The following TNKS1BP1 variants were observed in gnomAD, a reference collection of about 807,000 sequenced individuals.
TNKS1BP1 encodes the protein 182 kDa tankyrase-1-binding protein.
TNKS1BP1 carries 48 observed loss-of-function variants against 141.1 expected under a neutral mutation model. The ratio of observed to expected loss-of-function variants is 0.34; its 90% CI spans 0.27 to 0.43. The LOEUF (loss-of-function observed/expected upper bound fraction) is 0.43. Among genes scored for constraint, TNKS1BP1 ranks in the 20% least tolerant of loss-of-function variants. TNKS1BP1 has a pLI of 1.00. For synonymous variants in TNKS1BP1, 875 were observed against 898.2 expected, an observed-to-expected ratio of 0.97 and a Z score of 0.46; for missense variants, 2,149 against 2,226.0, an observed-to-expected ratio of 0.97 and a Z score of 0.70.
At position 57,306,285 on chromosome 11, in the gene TNKS1BP1, C is replaced by CAAAAAA. The variant is rs1554961714; in HGVS notation, c.4316+2104_4316+2109dup. Among the ~76,000 whole-genome samples, 635 of 122,422 alleles carry CAAAAAA rather than the reference C, an allele frequency of 5.2e-3. 5 individuals carry two copies. The highest frequency in any genetic ancestry group is 0.016 in the African/African-American group (579 of 37,236). 80.3% of individuals were successfully genotyped at this position (122,422 alleles called of 152,430 possible). A position where few individuals can be genotyped will look rare whatever the true frequency, so the allele number is the denominator to read the frequency against. Reference sequence around the variant, plus strand: ...TGGGCGATAGACCAAGACTCCGTTTCAAAAAAAAAAAGAGAAAGTGCCCAT... The same window carrying CAAAAAA: ...TGGGCGATAGACCAAGACTCCGTTTCAAAAAAAAAAAAAAAAAGAGAAAGTGCCCAT... On this transcript the variant is annotated intron_variant, in intron 6 of 11. Coordinates refer to ENST00000358252, the MANE Select transcript of TNKS1BP1 (RefSeq NM_033396.3).
intron 5 of TNKS1BP1, chr11:57,311,245 G>C: frequency 1.0e-6 from 1 of 985,742 alleles, no homozygotes; most frequent in Non-Finnish European, 1.2e-6. Context: ...CACCCTTGTG[G>C]GCGGGAGAGC....
In TNKS1BP1 at chr11:57,309,938, C is replaced by T; in HGVS notation, c.2773G>A (p.Glu925Lys). 1 of 1,614,244 alleles carries T rather than the reference C, an allele frequency of 6.2e-7. No homozygotes were observed. The change falls in exon 6 of 12, where the codon GAG becomes AAG. Residue 925 changes from glutamate to lysine, a missense_variant. Coordinates refer to ENST00000358252, the MANE Select transcript of TNKS1BP1 (RefSeq NM_033396.3). The surrounding 1 kb of genome is among the most constrained non-coding windows in gnomAD (Gnocchi z 4.3). ...CTCTTCTGAAACTCCCAGTCCTGCTCATCGGCATCCTGGCTGCTGTACCTA... is the reference window on the plus strand; with the variant it reads ...CTCTTCTGAAACTCCCAGTCCTGCTTATCGGCATCCTGGCTGCTGTACCTA... ...HGRYSSQDAD[E>K]QDWEFQKRDV... is the part of the protein sequence containing the mutation.
At position 57,313,287 on chromosome 11, in the gene TNKS1BP1, C is replaced by T; in HGVS notation, c.1401G>A (p.Glu467=). Residue 467 remains glutamate (E), a synonymous_variant, in exon 5 of 12, where the codon GAG becomes GAA. Coordinates refer to ENST00000358252, the MANE Select transcript of TNKS1BP1 (RefSeq NM_033396.3). ...QLALDRPFGA[E]SNWSLSQSFE... Reference sequence around the variant, plus strand: ...AGGACTGTGATAAGCTCCAGTTGGACTCTGCCCCAAAGGGACGATCCAGGG... The same window carrying T: ...AGGACTGTGATAAGCTCCAGTTGGATTCTGCCCCAAAGGGACGATCCAGGG... 6.2e-7 allele frequency: 1 copy of T among 1,613,022 alleles called. No individual in the cohort carries two copies. The highest frequency in any genetic ancestry group is 2.2e-5 in the East Asian group (1 of 44,874).
intron 1 of TNKS1BP1, 192 bp from the exon 2 acceptor site, chr11:57,322,142 C>T (rs1855898673): frequency 1.0e-5 from 11 of 1,063,246 alleles, no homozygotes; most frequent in Non-Finnish European, 1.4e-5. Flanking sequence ...CAAAGATCCT[C>T]CCCAACTCTT....
intron 6 of TNKS1BP1, among the ~76,000 whole-genome samples, chr11:57,304,797 G>A (rs1027712862): frequency 2.0e-5 from 3 of 151,310 alleles, no homozygotes; most frequent in Admixed American, 6.6e-5. Flanking sequence ...GCTTGAACCC[G>A]GGTGGTGGAG....
At chr11:57,317,070 T>C (rs1406565889) in intron 4 of TNKS1BP1, among the ~76,000 whole-genome samples, 1 of 152,188 alleles carries the variant, frequency 6.6e-6, no homozygotes, top group East Asian at 1.9e-4. Context: ...TCTCCAGACA[T>C]GCACACAGCT....
chr11:57,314,027 G>A (rs1855760946), intron 4 of TNKS1BP1, 138 bp from the exon 5 acceptor site: 3 of 1,032,050 alleles, frequency 2.9e-6, no homozygotes, highest in Non-Finnish European at 2.6e-6. Flanking sequence ...GGGTCCTCTT[G>A]GGATAGCTGG....
At position 57,313,868 on chromosome 11, in the gene TNKS1BP1, A is replaced by G; in HGVS notation, c.820T>C (p.Ser274Pro). 1 of 1,507,352 alleles carries G rather than the reference A, an allele frequency of 6.6e-7. No individual in the cohort carries two copies. Among genetic ancestry groups the G allele is most frequent in the South Asian group, 1.4e-5 (1 of 72,834 alleles). 93.4% of individuals were successfully genotyped at this position (1,507,352 alleles called of 1,614,324 possible). Reference sequence around the variant, plus strand: ...TTCTCTGAGGAGGGGGCTGGACTTGAGGGAATCCAGGGCTTGGAAATCTGC... The same window carrying G: ...TTCTCTGAGGAGGGGGCTGGACTTGGGGGAATCCAGGGCTTGGAAATCTGC... ...PADISKPWIP[S>P]SPAPSSENGG... The change falls in exon 5 of 12, where the codon TCA (serine) becomes CCA (proline). Residue 274 changes from serine (S) to proline (P), a missense_variant. Coordinates refer to ENST00000358252, the MANE Select transcript of TNKS1BP1 (RefSeq NM_033396.3).
intron 3 of TNKS1BP1, among the ~76,000 whole-genome samples, chr11:57,319,335 T>G (rs940020251): frequency 1.4e-4 from 21 of 152,150 alleles, no homozygotes; most frequent in African/African-American, 4.8e-4. Flanking sequence ...CATCTGTCTC[T>G]GCCTCTTAAC....
At chr11:57,321,580 T>TA (rs1855886838) in intron 2 of TNKS1BP1, among the ~76,000 whole-genome samples, 1 of 152,336 alleles carries the variant, frequency 6.6e-6, no homozygotes, top group South Asian at 2.1e-4. Flanking sequence ...TGTCTGCTCT[T>TA]ACACCTGTTG....
intron 3 of TNKS1BP1, 22 bp from the exon 4 acceptor site, chr11:57,317,909 A>G: frequency 6.2e-7 from 1 of 1,611,076 alleles, no homozygotes; most frequent in Non-Finnish European, 8.5e-7. Context: ...GAGGACAGGA[A>G]ATGGAAGCAC....
At chr11:57,319,928 C>T (rs1428988084) in intron 3 of TNKS1BP1, 151 bp downstream of exon 3, 5 of 876,874 alleles carry the variant, frequency 5.7e-6, no homozygotes, top group Non-Finnish European at 6.9e-6. Flanking sequence ...TGACCTAGAT[C>T]GGGATCTGCC....
intron 3 of TNKS1BP1, 59 bp downstream of exon 3, chr11:57,320,020 C>CCCCCCCCAG: frequency 8.2e-7 from 1 of 1,213,902 alleles, no homozygotes; most frequent in Non-Finnish European, 1.2e-6. Flanking sequence ...AGCCCCCACC[C>CCCCCCCCAG]AATCCCACCC....
In TNKS1BP1 at chr11:57,308,593, C is replaced by T. The variant is rs775743026; in HGVS notation, c.4118G>A (p.Cys1373Tyr). 1 of 1,614,034 alleles carries T rather than the reference C, an allele frequency of 6.2e-7. No individual in the cohort carries two copies. Among genetic ancestry groups the T allele is most frequent in the East Asian group, 2.2e-5 (1 of 44,870 alleles). ...REHGVGGVSQ[C>Y]PEPGLRHNGS... ...ATTGTGCCTCAGGCCGGGCTCTGGG[C>T]ACTGGCTCACCCCGCCCACCCCATG... The change falls in exon 6 of 12, where the codon TGC becomes TAC. Residue 1373 changes from cysteine to tyrosine, a missense_variant. By Grantham distance (194) the Cys-to-Tyr change is radical. Transcript: ENST00000358252.
rs1274829714 is a variant in TNKS1BP1, at chr11:57,302,633, A to C, written c.4509T>G (p.Ser1503=). The C allele has an allele frequency of 1.2e-6, 2 of 1,611,496 alleles. No homozygotes were observed. The highest frequency in any genetic ancestry group is 1.7e-6 in the Non-Finnish European group (2 of 1,179,492). ...CAGGCTGCGGCCTCCAGGAGGGTGG[A>C]GAGTCCCTGCCAGGCTCCAGCACCT... ...QEEVLEPGRD[S]PPSWRPQPDG... The change falls in exon 7 of 12, where the codon TCT becomes TCG. Residue 1503 remains serine (S), a synonymous_variant. Transcript: ENST00000358252. The surrounding 1 kb of genome is among the most constrained non-coding windows in gnomAD (Gnocchi z 5.5).
intron 1 of TNKS1BP1, chr11:57,322,484 C>T (rs1480229697): frequency 5.8e-6 from 1 of 172,378 alleles, no homozygotes; most frequent in Non-Finnish European, 1.2e-5. Flanking sequence ...GTTCTCCTTC[C>T]ACATCCCTGC....
intron 3 of TNKS1BP1, among the ~76,000 whole-genome samples, chr11:57,318,872 C>G (rs1590594524): frequency 6.6e-6 from 1 of 152,240 alleles, no homozygotes; most frequent in African/African-American, 2.4e-5. Flanking sequence ...TCGCAGGGCG[C>G]AGTGGCTCAC....
rs749024028 is a variant in TNKS1BP1 at position 57,308,448 on chromosome 11, T to C, written c.4263A>G (p.Pro1421=). Residue 1421 remains proline (P), a synonymous_variant, in exon 6 of 12, where the codon CCA becomes CCG. Coordinates refer to ENST00000358252, the MANE Select transcript of TNKS1BP1 (RefSeq NM_033396.3). ...TCTCCATTCCAGGGTCTGCAGGGTGTGGCTCCAAGGAAGACGAGGAGTAAT... is the reference window on the plus strand; with the variant it reads ...TCTCCATTCCAGGGTCTGCAGGGTGCGGCTCCAAGGAAGACGAGGAGTAAT... ...GEDYSSSSLE[P]HPADPGMETG... is the part of the protein sequence containing the mutation. The C allele has an allele frequency of 6.2e-6, 10 of 1,614,030 alleles. No individual in the cohort carries two copies. The highest frequency in any genetic ancestry group is 1.7e-5 in the Admixed American group (1 of 60,016).
chr11:57,300,640 A>G, intron 10 of TNKS1BP1, 40 bp from the exon 11 acceptor site: 1 of 1,612,926 alleles, frequency 6.2e-7, no homozygotes, highest in Non-Finnish European at 8.5e-7. Flanking sequence ...GCAAACTTTG[A>G]GGAAACTGAA....
Sources: gnomAD v4.1 joint callset for allele counts (sites outside exome capture counted in the v4.1 genomes callset) on GRCh38, gnomAD v4.1.1 for gene constraint, Gnocchi (gnomAD v3.1) non-coding constraint, MANE v1.5 for transcripts, NCBI Gene and HGNC (gene_info 2026-07-23, HGNC 2026-07-21) for gene names.